Variants in MND1 observed in about 807,000 individuals in gnomAD.
MND1 encodes meiotic nuclear division protein 1 homolog.
Under a neutral mutation model 35.1 loss-of-function variants are expected in MND1, and 28 were observed. The ratio of observed to expected loss-of-function variants is 0.80; its 90% confidence interval spans 0.59 to 1.09. The LOEUF (loss-of-function observed/expected upper bound fraction) is 1.09, where lower values mean the gene tolerates loss of function less well. Among genes scored for constraint, MND1 ranks in the 50% least tolerant of loss-of-function variants. The pLI, the probability that MND1 is intolerant of heterozygous loss-of-function variation, is 0.00. For synonymous variants in MND1, 69 were observed against 70.5 expected, an observed-to-expected ratio of 0.98 and a Z score of 0.11; for missense variants, 213 against 239.6, an observed-to-expected ratio of 0.89 and a Z score of 0.73.
intron 5 of MND1, among the ~76,000 whole-genome samples, chr4:153,394,657 G>A (rs969543555): frequency 2.0e-5 from 3 of 152,118 alleles, no homozygotes; most frequent in Non-Finnish European, 4.4e-5. Context: ...TTATTGTGTG[G>A]ATTAAACTAG....
intron 6 of MND1, among the ~76,000 whole-genome samples, chr4:153,405,810 A>G (rs1316445602): frequency 6.6e-6 from 1 of 151,932 alleles, no homozygotes; most frequent in Non-Finnish European, 1.5e-5. Flanking sequence ...ACAGATTTAT[A>G]TTTCTTTTTT....
In MND1 at chr4:153,408,912, G is replaced by GTGTATA. The variant is rs936713652; in HGVS notation, c.467-58_467-57insGTATAT. The GTGTATA allele has an allele frequency of 2.7e-3, 853 of 318,374 alleles. 6 individuals are homozygous for GTGTATA. Among genetic ancestry groups the GTGTATA allele is most frequent in the African/African-American group, 0.016 (624 of 39,826 alleles). The allele number at this position is 318,374 out of a possible 1,614,324, so 19.7% of individuals were successfully genotyped here. The stretch of plus-strand genomic sequence containing the variant: ...TACATAGCTAAAGATCATTTTGTGT[G>GTGTATA]TATATATATATATATATATATAAAT... On this transcript the variant is annotated intron_variant, in intron 6 of 7. Transcript: ENST00000240488.
At chr4:153,394,043 G>A (rs1729130145) in intron 4 of MND1, among the ~76,000 whole-genome samples, 1 of 147,850 alleles carries the variant, frequency 6.8e-6, no homozygotes, top group South Asian at 2.2e-4. Context: ...GACTACAGGT[G>A]TGCGCCACCA....
intron 1 of MND1, among the ~76,000 whole-genome samples, chr4:153,349,311 T>C (rs1420056366): frequency 6.6e-6 from 1 of 152,180 alleles, no homozygotes; most frequent in Non-Finnish European, 1.5e-5. Context: ...TGGATAGGCC[T>C]TTCCCCCTTC....
At chr4:153,358,992 A>G (rs74355198) in intron 4 of MND1, among the ~76,000 whole-genome samples, 82 of 152,282 alleles carry the variant, frequency 5.4e-4, no homozygotes, top group African/African-American at 1.9e-3. Flanking sequence ...CCTGTTATTG[A>G]CATCCTATAC....
intron 6 of MND1, among the ~76,000 whole-genome samples, chr4:153,401,237 C>T (rs190796724): frequency 6.6e-6 from 1 of 151,838 alleles, no homozygotes; most frequent in African/African-American, 2.4e-5. Context: ...TCCTTGACTC[C>T]CATATAAATA....
chr4:153,357,723 T>C (rs897148264), intron 3 of MND1, among the ~76,000 whole-genome samples: 5 of 152,340 alleles, frequency 3.3e-5, no homozygotes, highest in African/African-American at 1.2e-4. Flanking sequence ...ATCTCAACTG[T>C]ATCTTGAAGG....
chr4:153,398,927 G>A (rs1184112013), intron 6 of MND1, among the ~76,000 whole-genome samples: 2 of 152,202 alleles, frequency 1.3e-5, no homozygotes, highest in Admixed American at 6.5e-5. Flanking sequence ...CAGACTGCTT[G>A]TTCAGGAGGA....
At chr4:153,392,031 A>G (rs1018974237) in intron 4 of MND1, among the ~76,000 whole-genome samples, 5 of 152,018 alleles carry the variant, frequency 3.3e-5, no homozygotes, top group Non-Finnish European at 5.9e-5. Flanking sequence ...AAGGGTATCT[A>G]TTATCTACTC....
intron 4 of MND1, among the ~76,000 whole-genome samples, chr4:153,370,259 G>T (rs141961918): frequency 6.6e-5 from 10 of 151,968 alleles, no homozygotes; most frequent in African/African-American, 2.4e-4. Flanking sequence ...TCCAGCCTGG[G>T]TAACACAGCC....
At chr4:153,375,558 T>C (rs140183896) in intron 4 of MND1, among the ~76,000 whole-genome samples, 2 of 152,228 alleles carry the variant, frequency 1.3e-5, no homozygotes, top group East Asian at 3.9e-4. Flanking sequence ...TTTTGTTATA[T>C]AGTAATGGGA....
intron 2 of MND1, among the ~76,000 whole-genome samples, chr4:153,351,166 G>A (rs1459439647): frequency 6.6e-6 from 1 of 152,114 alleles, no homozygotes; most frequent in Non-Finnish European, 1.5e-5. Flanking sequence ...AGAAAAGTAA[G>A]TTTAATTCCT....
chr4:153,358,234 A>G (rs932473813), intron 3 of MND1, among the ~76,000 whole-genome samples: 2 of 152,158 alleles, frequency 1.3e-5, no homozygotes, highest in Admixed American at 6.5e-5. Flanking sequence ...TTAATCCTGT[A>G]TATTACTTGT....
At chr4:153,380,387 CAGAA>C (rs1207737933) in intron 4 of MND1, among the ~76,000 whole-genome samples, 1 of 152,146 alleles carries the variant, frequency 6.6e-6, no homozygotes, top group Non-Finnish European at 1.5e-5. Context: ...AACACCAAAG[CAGAA>C]AGAAAGATGA....
chr4:153,344,694 C>A lies in MND1; in HGVS notation c.-44C>A. On this transcript the variant is annotated 5_prime_UTR_variant, in exon 1 of 8. Transcript: ENST00000240488. Reference sequence around the variant, plus strand: ...GCGTCCTGGCCTGTCCCGCCCCTCTCCCCAAGCGCGGGCCCGGCCAGCGGA... The same window carrying A: ...GCGTCCTGGCCTGTCCCGCCCCTCTACCCAAGCGCGGGCCCGGCCAGCGGA... 6.4e-7 allele frequency: 1 copy of A among 1,563,138 alleles called. No individual in the cohort carries two copies. Among genetic ancestry groups the A allele is most frequent in the Non-Finnish European group, 8.7e-7 (1 of 1,154,202 alleles).
At chr4:153,367,990 A>C (rs989757730) in intron 4 of MND1, among the ~76,000 whole-genome samples, 2 of 152,088 alleles carry the variant, frequency 1.3e-5, no homozygotes, top group East Asian at 3.8e-4. Context: ...CCTTGAATAA[A>C]TTTTTATTAT....
At chr4:153,413,989 G>A (rs535925288) in intron 7 of MND1, among the ~76,000 whole-genome samples, 1 of 152,224 alleles carries the variant, frequency 6.6e-6, no homozygotes, top group East Asian at 1.9e-4. Flanking sequence ...TTAGTCTTAA[G>A]AGAACCCCTT....
chr4:153,368,089 T>G (rs1422226385), intron 4 of MND1, among the ~76,000 whole-genome samples: 1 of 152,224 alleles, frequency 6.6e-6, no homozygotes, highest in Non-Finnish European at 1.5e-5. Flanking sequence ...ACTCAGCAAA[T>G]TTTTAAAATC....
At chr4:153,346,190 G>A (rs1351424882) in intron 1 of MND1, among the ~76,000 whole-genome samples, 1 of 152,202 alleles carries the variant, frequency 6.6e-6, no homozygotes, top group Non-Finnish European at 1.5e-5. Context: ...TAAGTAAATA[G>A]TTAATGAGTT....
Sources: allele counts gnomAD v4.1 joint callset (sites outside exome capture counted in the v4.1 genomes callset), GRCh38; gene constraint gnomAD v4.1.1; transcripts MANE v1.5; gene names NCBI Gene and HGNC (gene_info 2026-07-23, HGNC 2026-07-21).